Variants in DENND2A observed in about 807,000 individuals in gnomAD.
The protein encoded by DENND2A is DENN domain-containing protein 2A.
A neutral mutation model predicts 105.3 loss-of-function variants in DENND2A; 53 were observed. That is an observed-to-expected ratio of 0.50 (90% confidence interval 0.40 to 0.63). The LOEUF (loss-of-function observed/expected upper bound fraction) is 0.63, where lower values mean the gene tolerates loss of function less well. Ranked by LOEUF, DENND2A falls within the 30% of genes least tolerant of loss-of-function variation. The pLI, the probability that DENND2A is intolerant of heterozygous loss-of-function variation, is 0.00. For synonymous variants in DENND2A, 522 were observed against 508.4 expected, an observed-to-expected ratio of 1.03 and a Z score of -0.36; for missense variants, 1,138 against 1,279.6, an observed-to-expected ratio of 0.89 and a Z score of 1.69.
intron 14 of DENND2A, among the ~76,000 whole-genome samples, chr7:140,533,636 C>T (rs1464017328): frequency 6.6e-6 from 1 of 152,170 alleles, no homozygotes; most frequent in Middle Eastern, 3.2e-3. Flanking sequence ...CATGGGGCTC[C>T]AGGACAGCAG....
intron 1 of DENND2A, among the ~76,000 whole-genome samples, chr7:140,622,921 T>G (rs748189729): frequency 6.6e-6 from 1 of 152,180 alleles, no homozygotes; most frequent in East Asian, 1.9e-4. Context: ...TGGAGCTGAG[T>G]AAACTTTGGC....
chr7:140,545,602 C>G (rs549915023), intron 13 of DENND2A, among the ~76,000 whole-genome samples: 7 of 152,150 alleles, frequency 4.6e-5, no homozygotes, highest in Admixed American at 1.3e-4. Flanking sequence ...CCACCTGCCT[C>G]GGCCTCCCAA....
chr7:140,531,023 C>T (rs537268554), intron 14 of DENND2A, among the ~76,000 whole-genome samples: 1 of 152,360 alleles, frequency 6.6e-6, no homozygotes, highest in South Asian at 2.1e-4. Context: ...TGAGCCACCA[C>T]ATCCGGCCGA....
intron 3 of DENND2A, among the ~76,000 whole-genome samples, chr7:140,601,104 G>C (rs1025197094): frequency 4.6e-5 from 7 of 152,110 alleles, no homozygotes; most frequent in African/African-American, 1.7e-4. Context: ...GTTAACATAA[G>C]TCCTTCATTT....
At position 140,585,578 on chromosome 7, in the gene DENND2A, G is replaced by C; in HGVS notation, c.1245+11C>G. 6.2e-7 allele frequency: 1 copy of C among 1,613,946 alleles called. No homozygotes were observed. The highest frequency in any genetic ancestry group is 8.5e-7 in the Non-Finnish European group (1 of 1,179,982). On this transcript the variant is annotated intron_variant, in intron 5 of 19. Transcript: ENST00000496613. ...CCCCCTCTCCTGCCACCATTCCCAG[G>C]GGACTCATACCTTGGTGAGTGTGTC...
At chr7:140,528,582 T>G (rs1384183449) in intron 14 of DENND2A, among the ~76,000 whole-genome samples, 1 of 151,194 alleles carries the variant, frequency 6.6e-6, no homozygotes, top group Admixed American at 6.6e-5. Flanking sequence ...CCAGCCTGGC[T>G]AACATGGTGA....
At chr7:140,614,533 A>G (rs936194232) in intron 1 of DENND2A, among the ~76,000 whole-genome samples, 1 of 152,230 alleles carries the variant, frequency 6.6e-6, no homozygotes, top group African/African-American at 2.4e-5. Flanking sequence ...AAATGATTAC[A>G]TATTCATAAA....
At chr7:140,624,871 T>G (rs1800457187) in intron 1 of DENND2A, among the ~76,000 whole-genome samples, 2 of 150,056 alleles carry the variant, frequency 1.3e-5, no homozygotes, top group African/African-American at 4.9e-5. Context: ...TTTTTTTGTT[T>G]TTTTTTTTTT....
chr7:140,536,892 AC>A (rs142328883), intron 14 of DENND2A, among the ~76,000 whole-genome samples: 3,226 of 152,208 alleles, frequency 0.021, 118 homozygotes, highest in African/African-American at 0.074. Context: ...CGAATTCCTG[AC>A]CTCAGGTGAT....
rs3833488 is a variant in DENND2A at position 140,568,852 on chromosome 7, GTTC to G, written c.1541-42_1541-40del. 7.2e-4 allele frequency: 1,156 copies of G among 1,599,404 alleles called. 21 individuals are homozygous for G. The East Asian group carries it at 0.022, about 30-fold the overall frequency. On this transcript the variant is annotated intron_variant, in intron 7 of 19. Coordinates refer to ENST00000496613, the MANE Select transcript of DENND2A (RefSeq NM_015689.5). ...ACAAGGAAGAAAATTGCAAATGTGA[GTTC>G]TTCTCATGTAGGAAACTCTTTCTAT...
intron 3 of DENND2A, among the ~76,000 whole-genome samples, chr7:140,601,057 GTAGT>G (rs1279415324): frequency 6.6e-6 from 1 of 152,138 alleles, no homozygotes; most frequent in Non-Finnish European, 1.5e-5. Flanking sequence ...TCAAGCACTG[GTAGT>G]TAGCAGGGAC....
At chr7:140,542,085 A>G (rs1167494751) in intron 14 of DENND2A, among the ~76,000 whole-genome samples, 1 of 151,028 alleles carries the variant, frequency 6.6e-6, no homozygotes, top group African/African-American at 2.4e-5. Flanking sequence ...TTCTTTCCAG[A>G]TGGACTTCTC....
At chr7:140,544,846 C>G in intron 13 of DENND2A, 80 bp from the exon 14 acceptor site, 1 of 1,539,858 alleles carries the variant, frequency 6.5e-7, no homozygotes, top group Non-Finnish European at 8.8e-7. Context: ...AGTCCCAGGG[C>G]TCTGAGGTCC....
intron 5 of DENND2A, among the ~76,000 whole-genome samples, chr7:140,578,529 T>A (rs1275711476): frequency 2.0e-5 from 3 of 152,184 alleles, no homozygotes; most frequent in African/African-American, 7.2e-5. Context: ...TATGTGCCTG[T>A]AGGTACACAC....
At chr7:140,615,212 T>C (rs920743038) in intron 1 of DENND2A, among the ~76,000 whole-genome samples, 1 of 152,234 alleles carries the variant, frequency 6.6e-6, no homozygotes, top group Non-Finnish European at 1.5e-5. Flanking sequence ...TCTAGGCCTA[T>C]ACATAACTTT....
intron 9 of DENND2A, among the ~76,000 whole-genome samples, chr7:140,564,236 T>C (rs149915605): frequency 0.021 from 3,225 of 150,324 alleles, 117 homozygotes; most frequent in African/African-American, 0.075. Context: ...TGAGCCAAGA[T>C]TGCACCACTG....
chr7:140,563,054 C>T (rs1019987584), intron 9 of DENND2A, among the ~76,000 whole-genome samples: 2 of 152,186 alleles, frequency 1.3e-5, no homozygotes, highest in Non-Finnish European at 1.5e-5. Context: ...TTAATCACCA[C>T]AGAGTGAATG....
In DENND2A at chr7:140,559,300, G is replaced by A. The variant is rs757615863; in HGVS notation, c.1889+408C>T. On this transcript the variant is annotated intron_variant, in intron 10 of 19. Transcript: ENST00000496613. The surrounding 1 kb of genome is among the most constrained non-coding windows in gnomAD (Gnocchi z 4.1). The stretch of plus-strand genomic sequence containing the variant: ...CAGCCTACTGAGTTTGGCCAAATGC[G>A]GAAACATCTGATAATAAAAACACTG... Among the ~76,000 whole-genome samples the A allele has an allele frequency of 1.3e-5, 2 of 152,122 alleles. No homozygotes were observed. Among genetic ancestry groups the A allele is most frequent in the African/African-American group, 2.4e-5 (1 of 41,422 alleles).
chr7:140,525,718 A>G, intron 16 of DENND2A, 33 bp downstream of exon 16: 1 of 1,585,950 alleles, frequency 6.3e-7, no homozygotes, highest in Non-Finnish European at 8.6e-7. Flanking sequence ...GTAAAGACAA[A>G]GGGAGCAGGA....
Sources: allele counts gnomAD v4.1 joint callset (sites outside exome capture counted in the v4.1 genomes callset), GRCh38; gene constraint gnomAD v4.1.1; non-coding constraint Gnocchi (gnomAD v3.1); transcripts MANE v1.5; gene names NCBI Gene and HGNC (gene_info 2026-07-23, HGNC 2026-07-21).